Variants in PAAF1 observed in about 807,000 individuals in gnomAD.
The protein encoded by PAAF1 is proteasomal ATPase associated factor 1.
Under a neutral mutation model 52.8 loss-of-function variants are expected in PAAF1, and 46 were observed. The observed-to-expected ratio is 0.87, with a 90% CI of 0.69 to 1.11. The LOEUF (loss-of-function observed/expected upper bound fraction) is 1.11, where lower values mean the gene tolerates loss of function less well. Ranked by LOEUF, PAAF1 falls within the 50% of genes most tolerant of loss-of-function variation. The pLI, the probability that PAAF1 is intolerant of heterozygous loss-of-function variation, is 0.00. For missense variants in PAAF1, 424 were observed against 477.4 expected (o/e 0.89, Z 1.04); for synonymous variants, 178 against 172.8 (o/e 1.03, Z -0.24).
chr11:73,925,687 C>T (rs1418742484), intron 11 of PAAF1, among the ~76,000 whole-genome samples: 1 of 152,018 alleles, frequency 6.6e-6, no homozygotes, highest in African/African-American at 2.4e-5. Context: ...TATTTATTGA[C>T]CAGACACTGT....
At chr11:73,913,036 C>T (rs576358628) in intron 7 of PAAF1, among the ~76,000 whole-genome samples, 2 of 152,292 alleles carry the variant, frequency 1.3e-5, no homozygotes, top group South Asian at 4.1e-4. Flanking sequence ...ACTACCATGC[C>T]TGGCTATTTT....
intron 4 of PAAF1, among the ~76,000 whole-genome samples, chr11:73,891,631 T>TGAGCG (rs1949205411): frequency 6.6e-6 from 1 of 151,642 alleles, no homozygotes; most frequent in African/African-American, 2.4e-5. Flanking sequence ...AAAAATTAGC[T>TGAGCG]GAGCGTGGTG....
intron 4 of PAAF1, among the ~76,000 whole-genome samples, chr11:73,892,563 A>G (rs1949228648): frequency 6.6e-6 from 1 of 152,174 alleles, no homozygotes; most frequent in Admixed American, 6.5e-5. Context: ...TGGCAACTCT[A>G]CATATCATTA....
At chr11:73,897,295 C>T (rs1234108321) in intron 4 of PAAF1, among the ~76,000 whole-genome samples, 4 of 151,764 alleles carry the variant, frequency 2.6e-5, no homozygotes, top group African/African-American at 7.3e-5. Flanking sequence ...GACCCCCCCA[C>T]TTCCCTCCCG....
At position 73,927,274 on chromosome 11, in the gene PAAF1, T is replaced by C. The variant is rs1565157130; in HGVS notation, c.1102-11T>C. On this transcript the variant is annotated splice_polypyrimidine_tract_variant and intron_variant, in intron 11 of 11. Transcript: ENST00000310571. ...CAGGCTTCCTTTGAACTGTGAATTC[T>C]TGTGTTTTAGGTAGCCACATGGGAG... is the stretch of plus-strand genomic sequence containing the variant. 16 of 1,609,750 alleles carry C rather than the reference T, an allele frequency of 9.9e-6. No homozygotes were observed. Among genetic ancestry groups the C allele is most frequent in the Non-Finnish European group, 1.4e-5 (16 of 1,176,148 alleles).
At chr11:73,887,225 C>T (rs1949085745) in intron 2 of PAAF1, 129 bp from the exon 3 acceptor site, 4 of 591,594 alleles carry the variant, frequency 6.8e-6, no homozygotes. Flanking sequence ...TTAACACAGG[C>T]ACCTGTTTTT....
chr11:73,926,688 G>A (rs1035296586), intron 11 of PAAF1, among the ~76,000 whole-genome samples: 1 of 152,152 alleles, frequency 6.6e-6, no homozygotes, highest in African/African-American at 2.4e-5. Context: ...CAGCCTGAGC[G>A]ACGGAGCAAG....
rs1470217779 is a variant in PAAF1, at chr11:73,914,392, CAT to C, written c.728-19_728-18del. On this transcript the variant is annotated intron_variant, in intron 7 of 11. Transcript: ENST00000310571. ...AGCTGATCAGCCTCACTGTTATTAA[CAT>C]AGTTTATTTGTCATGCAGGTGAACG... The C allele has an allele frequency of 3.7e-6, 6 of 1,609,824 alleles. No individual in the cohort carries two copies. The Admixed American group carries it at 1.0e-4, about 27-fold the overall frequency.
At chr11:73,880,152 TCAAGG>T (rs1948852444) in intron 2 of PAAF1, 1 of 151,800 alleles carries the variant, frequency 6.6e-6, no homozygotes, top group Admixed American at 6.6e-5. Flanking sequence ...GCCCAGCAAG[TCAAGG>T]CTGCAGTGAG....
intron 11 of PAAF1, among the ~76,000 whole-genome samples, chr11:73,925,072 T>C (rs1264299942): frequency 6.6e-6 from 1 of 151,020 alleles, no homozygotes. Context: ...GGAGAATCGC[T>C]TGAACCTGGG....
At chr11:73,900,001 CTTTT>C (rs201364777) in intron 5 of PAAF1, among the ~76,000 whole-genome samples, 4 of 144,872 alleles carry the variant, frequency 2.8e-5, no homozygotes, top group Admixed American at 7.0e-5. Flanking sequence ...CCATGGAATT[CTTTT>C]TTTTTTTTTT....
chr11:73,906,520 G>A (rs1949759795), intron 6 of PAAF1, among the ~76,000 whole-genome samples: 1 of 152,078 alleles, frequency 6.6e-6, no homozygotes, highest in Non-Finnish European at 1.5e-5. Context: ...CAAAGTGCTG[G>A]GATTACAGTT....
chr11:73,917,006 A>C (rs988786414), intron 9 of PAAF1, among the ~76,000 whole-genome samples: 21 of 152,076 alleles, frequency 1.4e-4, no homozygotes, highest in Non-Finnish European at 2.1e-4. Context: ...AGATTGAAAG[A>C]TTGAATTATT....
intron 3 of PAAF1, chr11:73,889,245 A>G: frequency 7.1e-7 from 1 of 1,406,430 alleles, no homozygotes; most frequent in Non-Finnish European, 9.3e-7. Flanking sequence ...GGGTTCAGAC[A>G]GTAAGTGCTT....
intron 1 of PAAF1, among the ~76,000 whole-genome samples, chr11:73,878,125 C>A (rs1948795404): frequency 6.6e-6 from 1 of 152,186 alleles, no homozygotes; most frequent in Admixed American, 6.5e-5. Context: ...TTATACCTTA[C>A]TTAATTTAGG....
rs1402637149 is a variant in PAAF1 at position 73,887,455 on chromosome 11, A to G, written c.190A>G (p.Lys64Glu). 1 of 1,596,720 alleles carries G rather than the reference A, an allele frequency of 6.3e-7. No individual in the cohort carries two copies. Among genetic ancestry groups the G allele is most frequent in the Non-Finnish European group, 8.5e-7 (1 of 1,173,350 alleles). Residue 64 changes from lysine (K) to glutamate (E), a missense_variant and splice_region_variant, in exon 3 of 12, where the codon AAG (lysine) becomes GAG (glutamate). By Grantham distance (56) the Lys-to-Glu change is moderately conservative. Coordinates refer to ENST00000310571, the MANE Select transcript of PAAF1 (RefSeq NM_025155.3). ...SEGFTVNEIN[K>E]KSIHISCPKE... Reference sequence around the variant, plus strand: ...AGGATTTACTGTGAATGAAATAAACAAGGTATGTTTTTATGTCTTCTAGAT... The same window carrying G: ...AGGATTTACTGTGAATGAAATAAACGAGGTATGTTTTTATGTCTTCTAGAT...
intron 10 of PAAF1, among the ~76,000 whole-genome samples, chr11:73,923,329 C>A (rs946613600): frequency 2.0e-5 from 3 of 152,114 alleles, no homozygotes; most frequent in African/African-American, 7.2e-5. Flanking sequence ...TATACAAAGT[C>A]ATAATCTTAA....
In PAAF1 at chr11:73,896,254, C is replaced by CTT. The variant is rs71272248; in HGVS notation, c.283-2878_283-2877dup. Among the ~76,000 whole-genome samples, 632 of 121,778 alleles carry CTT rather than the reference C, an allele frequency of 5.2e-3. 8 individuals are homozygous for CTT. Among genetic ancestry groups the CTT allele is most frequent in the African/African-American group, 0.017 (557 of 33,200 alleles). 79.9% of individuals were successfully genotyped at this position (121,778 alleles called of 152,430 possible). A position where few individuals can be genotyped will look rare whatever the true frequency, so the allele number is the denominator to read the frequency against. ...AGGTATATGTGGAAATATCTGAACT[C>CTT]TTTTTTTTTTTTTTTACGATGTTTC... On this transcript the variant is annotated intron_variant, in intron 4 of 11. Coordinates refer to ENST00000310571, the MANE Select transcript of PAAF1 (RefSeq NM_025155.3).
At chr11:73,899,039 C>T in intron 4 of PAAF1, 107 bp from the exon 5 acceptor site, 1 of 811,678 alleles carries the variant, frequency 1.2e-6, no homozygotes, top group Non-Finnish European at 1.9e-6. Context: ...GAAACACAGG[C>T]TTCAGGAAGT....
Sources: gnomAD v4.1 joint callset for allele counts (sites outside exome capture counted in the v4.1 genomes callset) on GRCh38, gnomAD v4.1.1 for gene constraint, MANE v1.5 for transcripts, NCBI Gene and HGNC (gene_info 2026-07-23, HGNC 2026-07-21) for gene names.